Variants in CSMD1 observed in about 807,000 individuals in gnomAD.
CSMD1 encodes the protein CUB and sushi domain-containing protein 1.
A neutral mutation model predicts 417.5 loss-of-function variants in CSMD1; 213 were observed. The observed-to-expected ratio is 0.51, with a 90% confidence interval of 0.46 to 0.57. CSMD1 has a LOEUF of 0.57. Among genes scored for constraint, CSMD1 ranks in the 20% least tolerant of loss-of-function variants. The pLI is 0.00. For synonymous variants in CSMD1, 2,862 were observed against 1,736.8 expected (o/e 1.65, Z -16.11); for missense variants, 6,923 against 4,529.7 (o/e 1.53, Z -15.17).
chr8:4,879,060 G>T (rs965573252), intron 1 of CSMD1, among the ~76,000 whole-genome samples: 5 of 151,928 alleles, frequency 3.3e-5, no homozygotes, highest in African/African-American at 1.2e-4. Flanking sequence ...AAGGTAGTAA[G>T]ACTTGATATT....
rs188832965 is a variant in CSMD1 at position 4,148,002 on chromosome 8, C to A, written c.416-115903G>T. 1.9e-3 allele frequency among the ~76,000 whole-genome samples: 282 copies of A among 152,190 alleles called. 4 individuals are homozygous for A. The highest frequency in any genetic ancestry group is 0.017 in the Admixed American group (254 of 15,274). On this transcript the variant is annotated intron_variant, in intron 3 of 69. Coordinates refer to ENST00000635120, the MANE Select transcript of CSMD1 (RefSeq NM_033225.6). ...GAGTAGAGGTTAGGTCTTAAAACCA[C>A]GGGTTCCATGATTGTTTCCCATAGT...
chr8:3,092,774 G>A (rs960083824), intron 47 of CSMD1, among the ~76,000 whole-genome samples: 1 of 152,116 alleles, frequency 6.6e-6, no homozygotes, highest in African/African-American at 2.4e-5. Flanking sequence ...CATGGCACTG[G>A]GGCTTGCCAA....
chr8:4,859,742 T>C (rs1268984194), intron 1 of CSMD1, among the ~76,000 whole-genome samples: 3 of 151,792 alleles, frequency 2.0e-5, no homozygotes, highest in Non-Finnish European at 4.4e-5. Context: ...ATGGCAATCA[T>C]TAAAAAGTCA....
At chr8:4,758,413 G>C (rs528472499) in intron 1 of CSMD1, among the ~76,000 whole-genome samples, 1 of 152,112 alleles carries the variant, frequency 6.6e-6, no homozygotes, top group Non-Finnish European at 1.5e-5. Context: ...GCCATAGATT[G>C]TAGAACACAA....
intron 3 of CSMD1, among the ~76,000 whole-genome samples, chr8:4,214,388 C>G (rs576460599): frequency 3.3e-5 from 5 of 152,164 alleles, no homozygotes; most frequent in African/African-American, 1.2e-4. Context: ...ACCTCTGCCT[C>G]CTGGATTCAA....
At chr8:4,044,782 C>A (rs1281749313) in intron 3 of CSMD1, among the ~76,000 whole-genome samples, 5 of 152,218 alleles carry the variant, frequency 3.3e-5, no homozygotes, top group Non-Finnish European at 4.4e-5. Flanking sequence ...AGCCGTGTAG[C>A]ACCCTGAGGG....
chr8:3,349,868 T>C (rs932792446), intron 21 of CSMD1, among the ~76,000 whole-genome samples: 1 of 75,284 alleles, frequency 1.3e-5, no homozygotes, highest in East Asian at 5.0e-4. Flanking sequence ...ATTATATAAA[T>C]ATATTTATAT....
At chr8:3,890,734 A>C (rs1385405110) in intron 5 of CSMD1, among the ~76,000 whole-genome samples, 1 of 152,206 alleles carries the variant, frequency 6.6e-6, no homozygotes, top group African/African-American at 2.4e-5. Context: ...GCATGATGCA[A>C]GTTAGCATGT....
At chr8:3,688,464 T>A (rs1444800370) in intron 7 of CSMD1, among the ~76,000 whole-genome samples, 3 of 152,236 alleles carry the variant, frequency 2.0e-5, no homozygotes, top group Non-Finnish European at 4.4e-5. Context: ...TCATCCTACG[T>A]GTCTCTGTTC....
Position 4,816,768 on chromosome 8 carries a change from G to C in CSMD1, c.85+177564C>G, listed in dbSNP as rs570968960. 3.3e-5 allele frequency among the ~76,000 whole-genome samples: 5 copies of C among 152,282 alleles called. No individual in the cohort carries two copies. The South Asian group carries it at 8.3e-4, about 25-fold the overall frequency. On this transcript the variant is annotated intron_variant, in intron 1 of 69. Coordinates refer to ENST00000635120, the MANE Select transcript of CSMD1 (RefSeq NM_033225.6). Reference sequence around the variant, plus strand: ...TGTTGCAGGACTCATCTAGGACTGAGGATGGGGATGAAGGAACAGGAAAAG... The same window carrying C: ...TGTTGCAGGACTCATCTAGGACTGACGATGGGGATGAAGGAACAGGAAAAG...
chr8:3,235,906 G>A (rs927047384), intron 26 of CSMD1, among the ~76,000 whole-genome samples: 1 of 137,652 alleles, frequency 7.3e-6, no homozygotes, highest in African/African-American at 2.7e-5. Context: ...CCAGTTATAT[G>A]AAGATGTAAG....
chr8:2,955,526 T>G, intron 64 of CSMD1, 63 bp downstream of exon 64: 2 of 1,539,848 alleles, frequency 1.3e-6, no homozygotes, highest in Non-Finnish European at 1.8e-6. Flanking sequence ...ACTAGCCTGA[T>G]GGGCAGCTGA....
chr8:3,545,647 C>T (rs192465625), intron 10 of CSMD1, among the ~76,000 whole-genome samples: 77 of 152,278 alleles, frequency 5.1e-4, no homozygotes, highest in Non-Finnish European at 9.0e-4. Context: ...GCATCATCAG[C>T]GGTGGACAAC....
At chr8:4,459,160 A>G (rs1275430433) in intron 2 of CSMD1, among the ~76,000 whole-genome samples, 4 of 152,230 alleles carry the variant, frequency 2.6e-5, no homozygotes, top group Non-Finnish European at 5.9e-5. Context: ...CTTCATAGGC[A>G]AAGGATAAAC....
chr8:4,368,562 T>G (rs1563101256), intron 3 of CSMD1, among the ~76,000 whole-genome samples: 1 of 152,156 alleles, frequency 6.6e-6, no homozygotes, highest in East Asian at 1.9e-4. Flanking sequence ...AGCTCTTTTT[T>G]GTACATCTGG....
chr8:3,302,801 C>T (rs1041448384), intron 25 of CSMD1, among the ~76,000 whole-genome samples: 27 of 152,290 alleles, frequency 1.8e-4, no homozygotes, highest in African/African-American at 6.5e-4. Context: ...TGTACCATGG[C>T]AGCTGAAATG....
chr8:4,528,542 T>G lies in CSMD1; in HGVS notation c.303-108477A>C, dbSNP rs151240923. Among the ~76,000 whole-genome samples the G allele has an allele frequency of 4.4e-3, 668 of 152,290 alleles. 3 individuals carry two copies. The highest frequency in any genetic ancestry group is 6.3e-3 in the Non-Finnish European group (431 of 68,022). On this transcript the variant is annotated intron_variant, in intron 2 of 69. Coordinates refer to ENST00000635120, the MANE Select transcript of CSMD1 (RefSeq NM_033225.6). ...AACAATACTTTGCTGTGTACTTACA[T>G]TTGCTAAAAGGGTAGATCTTATGTT...
chr8:3,953,697 G>T (rs888954548), intron 5 of CSMD1, among the ~76,000 whole-genome samples: 11 of 152,064 alleles, frequency 7.2e-5, no homozygotes, highest in Non-Finnish European at 1.0e-4. Flanking sequence ...AGGGGTGAGG[G>T]GTGGATAGGC....
At position 4,163,054 on chromosome 8, in the gene CSMD1, G is replaced by A. The variant is rs557959349; in HGVS notation, c.416-130955C>T. Among the ~76,000 whole-genome samples the A allele has an allele frequency of 7.2e-5, 11 of 152,212 alleles. 1 individual carries two copies. In the South Asian group the frequency reaches 1.9e-3, roughly 26 times the overall value. On this transcript the variant is annotated intron_variant, in intron 3 of 69. Coordinates refer to ENST00000635120, the MANE Select transcript of CSMD1 (RefSeq NM_033225.6). ...GCACTTCAGTTCACTCTATGTCTTT[G>A]CATGGCTTTCGGTTAATTTTGTTTT...
Sources: allele counts gnomAD v4.1 joint callset (sites outside exome capture counted in the v4.1 genomes callset), GRCh38; gene constraint gnomAD v4.1.1; transcripts MANE v1.5; gene names NCBI Gene and HGNC (gene_info 2026-07-23, HGNC 2026-07-21).